PLVAP: variants seen among roughly 807,000 people sequenced by gnomAD.
PLVAP encodes plasmalemma vesicle associated protein.
In PLVAP, 34 loss-of-function variants were observed where a neutral mutation model predicts 43.1. The observed-to-expected ratio is 0.79, with a 90% CI of 0.60 to 1.05. The LOEUF is 1.05. Among genes scored for constraint, PLVAP ranks in the 50% least tolerant of loss-of-function variants. The pLI, the probability that PLVAP is intolerant of heterozygous loss-of-function variation, is 0.00. For synonymous variants in PLVAP, 241 were observed against 237.3 expected, an observed-to-expected ratio of 1.02 and a Z score of -0.14; for missense variants, 574 against 593.4, an observed-to-expected ratio of 0.97 and a Z score of 0.34.
chr19:17,371,226 A>G (rs2074570952), intron 1 of PLVAP, among the ~76,000 whole-genome samples: 1 of 151,088 alleles, frequency 6.6e-6, no homozygotes, highest in African/African-American at 2.4e-5. Context: ...CAGCGGTGTG[A>G]TCTCAGCTCA....
Position 17,365,334 on chromosome 19 carries a change from C to G in PLVAP, c.1131G>C (p.Met377Ile). The change falls in exon 3 of 6, where the codon ATG (methionine) becomes ATC (isoleucine). Residue 377 changes from methionine (M) to isoleucine (I), a missense_variant. By Grantham distance (10) the Met-to-Ile change is conservative (BLOSUM62 1). Coordinates refer to ENST00000252590, the MANE Select transcript of PLVAP (RefSeq NM_031310.3). ...GGGCTGAGTTTCTGATGGCCAGCTC[C>G]ATCCTGAGCTGCTCCGCCTCCCTCT... ...EKKREAEQLR[M>I]ELAIRNSALD... The G allele has an allele frequency of 6.2e-7, 1 of 1,613,370 alleles. No individual in the cohort carries two copies. Among genetic ancestry groups the G allele is most frequent in the Middle Eastern group, 1.6e-4 (1 of 6,062 alleles).
chr19:17,364,500 C>T (rs1045318220), intron 3 of PLVAP, among the ~76,000 whole-genome samples: 8 of 152,030 alleles, frequency 5.3e-5, no homozygotes, highest in Non-Finnish European at 8.8e-5. Context: ...CAAGCCCAGC[C>T]AGCCTCAATT....
At chr19:17,361,010 G>A (rs1467342498) in intron 3 of PLVAP, 178 bp from the exon 4 acceptor site, 1 of 596,566 alleles carries the variant, frequency 1.7e-6, no homozygotes, top group Non-Finnish European at 2.9e-6. Flanking sequence ...TGCCTCCCAG[G>A]TTCAAGCGAT....
Position 17,365,290 on chromosome 19 carries a change from G to T in PLVAP, c.1175C>A (p.Thr392Asn). ...CTCTGGGGCCTGCAAGCCCACCTTG[G>T]TCTTGATGCAGGTGTCCAGGGCTGA... ...RNSALDTCIK[T>N]KSQPMMPVSR... is the part of the protein sequence containing the mutation. The change falls in exon 3 of 6, where the codon ACC (threonine) becomes AAC (asparagine). Residue 392 changes from threonine (T) to asparagine (N), a missense_variant. By Grantham distance (65) the Thr-to-Asn change is moderately conservative. Transcript: ENST00000252590. 1.2e-6 allele frequency: 2 copies of T among 1,608,760 alleles called. No individual in the cohort carries two copies. Among genetic ancestry groups the T allele is most frequent in the Non-Finnish European group, 1.7e-6 (2 of 1,177,154 alleles).
intron 1 of PLVAP, among the ~76,000 whole-genome samples, chr19:17,373,411 T>C (rs1169894924): frequency 6.6e-6 from 1 of 151,914 alleles, no homozygotes; most frequent in African/African-American, 2.4e-5. Flanking sequence ...GGAGACTGAG[T>C]TCTGCCTTGA....
intron 1 of PLVAP, among the ~76,000 whole-genome samples, chr19:17,374,237 C>T (rs1282587118): frequency 2.0e-5 from 3 of 152,114 alleles, no homozygotes; most frequent in African/African-American, 4.8e-5. Flanking sequence ...GAGGCCGAGG[C>T]GGGTGGATCA....
intron 1 of PLVAP, among the ~76,000 whole-genome samples, chr19:17,370,884 A>G (rs912940522): frequency 6.6e-6 from 1 of 151,788 alleles, no homozygotes; most frequent in Non-Finnish European, 1.5e-5. Context: ...GTGAAACCCC[A>G]TCTCTACTAA....
At chr19:17,369,842 A>C (rs1442071303) in intron 1 of PLVAP, among the ~76,000 whole-genome samples, 1 of 151,088 alleles carries the variant, frequency 6.6e-6, no homozygotes, top group Admixed American at 6.6e-5. Context: ...CTCTACTAAA[A>C]ATACAAAAAA....
At chr19:17,368,197 T>C (rs2074557980) in intron 1 of PLVAP, among the ~76,000 whole-genome samples, 1 of 150,296 alleles carries the variant, frequency 6.7e-6, no homozygotes, top group South Asian at 2.1e-4. Flanking sequence ...TCAGTCTCCC[T>C]AGTAGCTGGG....
intron 3 of PLVAP, among the ~76,000 whole-genome samples, chr19:17,361,835 C>T (rs891569237): frequency 2.0e-5 from 3 of 151,796 alleles, no homozygotes; most frequent in African/African-American, 7.3e-5. Context: ...TTTGGGAAGC[C>T]GAGGTGGGCA....
At chr19:17,368,926 C>G (rs959896737) in intron 1 of PLVAP, among the ~76,000 whole-genome samples, 1 of 151,738 alleles carries the variant, frequency 6.6e-6, no homozygotes, top group Non-Finnish European at 1.5e-5. Context: ...TGCAGTGAGC[C>G]GAGATCGCGT....
At chr19:17,352,965 C>T (rs12979743) in intron 5 of PLVAP, among the ~76,000 whole-genome samples, 12,527 of 152,164 alleles carry the variant, frequency 0.082, 620 homozygotes, top group East Asian at 0.16. Context: ...TTCCAAGAGC[C>T]ATCACACTGC....
At position 17,365,468 on chromosome 19, in the gene PLVAP, C is replaced by T; in HGVS notation, c.997G>A (p.Glu333Lys). The T allele has an allele frequency of 6.2e-7, 1 of 1,612,852 alleles. No homozygotes were observed. The highest frequency in any genetic ancestry group is 2.2e-5 in the East Asian group (1 of 44,890). ...QKVEKEAQAR[E>K]AKLQAECSRQ... ...GAGCATTCAGCTTGGAGCTTGGCCT[C>T]CCGGGCCTGAGCCTCCTTCTCCACC... The change falls in exon 3 of 6, where the codon GAG becomes AAG. Residue 333 changes from glutamate to lysine, a missense_variant. Transcript: ENST00000252590.
At chr19:17,355,490 G>A (rs2074503309) in intron 5 of PLVAP, among the ~76,000 whole-genome samples, 1 of 149,550 alleles carries the variant, frequency 6.7e-6, no homozygotes, top group Admixed American at 6.7e-5. Flanking sequence ...AGCCTCCCAA[G>A]TAGCTGGGAC....
chr19:17,356,356 G>A (rs560722666), intron 5 of PLVAP, among the ~76,000 whole-genome samples: 85 of 152,244 alleles, frequency 5.6e-4, no homozygotes, highest in African/African-American at 1.3e-3. Flanking sequence ...ACCTCACGCC[G>A]AAGCCCAGCT....
chr19:17,355,660 G>A (rs56239553), intron 5 of PLVAP, among the ~76,000 whole-genome samples: 10,173 of 151,434 alleles, frequency 0.067, 376 homozygotes, highest in African/African-American at 0.096. Flanking sequence ...TTAGCCTCCC[G>A]AGTAGCTGGG....
chr19:17,369,248 C>T (rs999952810), intron 1 of PLVAP, among the ~76,000 whole-genome samples: 7 of 151,398 alleles, frequency 4.6e-5, no homozygotes, highest in African/African-American at 1.2e-4. Flanking sequence ...TGCAGTGGCA[C>T]GATCTCGGCT....
At position 17,366,202 on chromosome 19, in the gene PLVAP, G is replaced by A. The variant is rs201111366; in HGVS notation, c.370-7C>T. 2.5e-5 allele frequency: 41 copies of A among 1,613,482 alleles called. No individual in the cohort carries two copies. Among genetic ancestry groups the A allele is most frequent in the African/African-American group, 4.0e-5 (3 of 74,922 alleles). On this transcript the variant is annotated splice_region_variant and splice_polypyrimidine_tract_variant and intron_variant, in intron 1 of 5. Transcript: ENST00000252590. ...GATTGTTCGTGTAGATGACCTGCCC[G>A]GAAGATAGGGGAAGGACGCAGGACA...
At chr19:17,372,602 G>GC (rs1365748550) in intron 1 of PLVAP, among the ~76,000 whole-genome samples, 1 of 148,968 alleles carries the variant, frequency 6.7e-6, no homozygotes, top group African/African-American at 2.4e-5. Context: ...GACTACAGGC[G>GC]CCCACCACCA....
Sources: allele counts gnomAD v4.1 joint callset (sites outside exome capture counted in the v4.1 genomes callset), GRCh38; gene constraint gnomAD v4.1.1; transcripts MANE v1.5; gene names NCBI Gene and HGNC (gene_info 2026-07-23, HGNC 2026-07-21).